The following CRNKL1 variants were observed in gnomAD, a reference collection of about 807,000 sequenced individuals.
CRNKL1 encodes crooked neck pre-mRNA splicing factor 1, also known as crooked neck-like protein 1.
A neutral mutation model predicts 103.7 loss-of-function variants in CRNKL1; 35 were observed. The ratio of observed to expected loss-of-function variants is 0.34; its 90% CI spans 0.26 to 0.45. The LOEUF is 0.45. Ranked by LOEUF, CRNKL1 falls within the 20% of genes least tolerant of loss-of-function variation. The probability of loss-of-function intolerance (pLI) is 1.00; values close to 1 mark genes in which losing one functional copy is unlikely to be tolerated. For synonymous variants in CRNKL1, 267 were observed against 282.6 expected (o/e 0.94, Z 0.55); for missense variants, 645 against 836.0 (o/e 0.77, Z 2.82).
rs766384448 is a variant in CRNKL1, at chr20:20,037,354, T to C, written c.1865A>G (p.Lys622Arg). The C allele has an allele frequency of 6.2e-7, 1 of 1,614,174 alleles. No individual in the cohort carries two copies. Among genetic ancestry groups the C allele is most frequent in the Non-Finnish European group, 8.5e-7 (1 of 1,180,036 alleles). The change falls in exon 13 of 14, where the codon AAG becomes AGG. Residue 622 changes from lysine to arginine, a missense_variant. Physicochemically the swap from Lys to Arg is conservative, Grantham distance 26. Around this residue, in one of 2 missense-constraint regions of CRNKL1, gnomAD observed 582 missense variants for 707.7 expected, o/e 0.82. Coordinates refer to ENST00000536226, the MANE Select transcript of CRNKL1 (RefSeq NM_001278628.2). Reference protein sequence around the residue: ...RVDKLMPEKVKKRRKVQTDDG... With the variant: ...RVDKLMPEKVRKRRKVQTDDG... ...ATCAGTCTGGACCTTTCTTCTCTTC[T>C]TGACTTTCTCTGGCATGAGTTTGTC...
Position 20,037,575 on chromosome 20 carries a change from T to TA in CRNKL1, c.1648-5dup. ...ACTGAGCAAAGCTGATCCATACCTT[T>TA]AAAAAAAGTTATTATTGAACCAAAT... On this transcript the variant is annotated splice_polypyrimidine_tract_variant and splice_region_variant and intron_variant, in intron 12 of 13. Transcript: ENST00000536226. 3.1e-6 allele frequency: 5 copies of TA among 1,607,598 alleles called. No individual in the cohort carries two copies. Among genetic ancestry groups the TA allele is most frequent in the Non-Finnish European group, 4.2e-6 (5 of 1,178,136 alleles).
At chr20:20,052,539 G>A (rs1190563583), upstream of CRNKL1, 4 of 1,614,082 alleles carry the variant, frequency 2.5e-6, no homozygotes, top group African/African-American at 5.3e-5. Flanking sequence ...ACCAGGCTGC[G>A]CGTCCTCCTT....
chr20:20,045,519 C>T (rs1600249851), intron 5 of CRNKL1, 33 bp from the exon 6 acceptor site: 1 of 1,555,302 alleles, frequency 6.4e-7, no homozygotes, highest in Non-Finnish European at 8.7e-7. Context: ...CCAGGCAAAA[C>T]AGCATGGCTT....
At chr20:20,036,417 CAG>C (rs2146479206) in intron 13 of CRNKL1, 55 bp from the exon 14 acceptor site, 1 of 1,528,098 alleles carries the variant, frequency 6.5e-7, no homozygotes, top group African/African-American at 1.4e-5. Flanking sequence ...ACTCACATAT[CAG>C]AGTGAAGAAT....
chr20:20,034,436 T>G lies in CRNKL1; in HGVS notation c.*1759A>C, dbSNP rs1200671164. The G allele has an allele frequency of 2.0e-5, 3 of 152,226 alleles. No individual in the cohort carries two copies. The highest frequency in any genetic ancestry group is 7.2e-5 in the African/African-American group (3 of 41,458). The allele number at this position is 152,226 out of a possible 1,614,324, so 9.4% of individuals were successfully genotyped here. A position where few individuals can be genotyped will look rare whatever the true frequency, so the allele number is the denominator to read the frequency against. Reference sequence around the variant, plus strand: ...GGTGGGAGAGAAATGAATCTTTATGTTCTCCTGTTAGAGAATAGCTTTTTT... The same window carrying G: ...GGTGGGAGAGAAATGAATCTTTATGGTCTCCTGTTAGAGAATAGCTTTTTT... On this transcript the variant is annotated 3_prime_UTR_variant, in exon 14 of 14. Coordinates refer to ENST00000536226, the MANE Select transcript of CRNKL1 (RefSeq NM_001278628.2).
intron 11 of CRNKL1, among the ~76,000 whole-genome samples, chr20:20,039,073 G>A (rs772965254): frequency 3.9e-5 from 6 of 152,128 alleles, no homozygotes; most frequent in Admixed American, 6.5e-5. Context: ...TAGTGCATGA[G>A]ATTAACAAAA....
At chr20:20,043,081 G>A (rs917491763) in intron 7 of CRNKL1, among the ~76,000 whole-genome samples, 2 of 152,170 alleles carry the variant, frequency 1.3e-5, no homozygotes, top group Non-Finnish European at 2.9e-5. Context: ...TACAGAAAAA[G>A]AGATGCCGAT....
At chr20:20,036,749 ACCT>A (rs750652865) in intron 13 of CRNKL1, among the ~76,000 whole-genome samples, 4 of 151,928 alleles carry the variant, frequency 2.6e-5, no homozygotes, top group Non-Finnish European at 5.9e-5. Flanking sequence ...TCCCATCCTC[ACCT>A]CCTATCAGTC....
intron 7 of CRNKL1, 32 bp downstream of exon 7, chr20:20,043,460 C>G (rs1345137677): frequency 1.2e-6 from 2 of 1,600,458 alleles, no homozygotes; most frequent in East Asian, 2.2e-5. Flanking sequence ...CTTGGGTTAT[C>G]TGCAGAGTTG....
upstream of CRNKL1, among the ~76,000 whole-genome samples, chr20:20,053,841 A>G (rs1008701921): frequency 1.3e-5 from 2 of 152,112 alleles, no homozygotes; most frequent in African/African-American, 4.8e-5. Context: ...TTTTCCTTAA[A>G]TGTGTTACTG....
At chr20:20,037,228 A>G in intron 13 of CRNKL1, 95 bp downstream of exon 13, 2 of 1,439,642 alleles carry the variant, frequency 1.4e-6, no homozygotes, top group South Asian at 1.4e-5. Context: ...CCATTCTAAG[A>G]TTGTACATAT....
At chr20:20,043,356 C>T in intron 7 of CRNKL1, 136 bp downstream of exon 7, 1 of 826,938 alleles carries the variant, frequency 1.2e-6, no homozygotes, top group South Asian at 2.1e-5. Context: ...GAAATAGCTG[C>T]CAATTGGATC....
chr20:20,034,647 T>G lies in CRNKL1; in HGVS notation c.*1548A>C, dbSNP rs1467886470. ...CTGGGTGAGCCAAAGGCTATTAAGA[T>G]GATGTTCTCCTGCTCACTCACTAGG... On this transcript the variant is annotated 3_prime_UTR_variant, in exon 14 of 14. Coordinates refer to ENST00000536226, the MANE Select transcript of CRNKL1 (RefSeq NM_001278628.2). 3 of 152,248 alleles carry G rather than the reference T, an allele frequency of 2.0e-5. No homozygotes were observed. The highest frequency in any genetic ancestry group is 4.4e-5 in the Non-Finnish European group (3 of 68,042). The allele number at this position is 152,248 out of a possible 1,614,324, so 9.4% of individuals were successfully genotyped here.
intron 11 of CRNKL1, among the ~76,000 whole-genome samples, chr20:20,039,009 C>T (rs1042193291): frequency 2.0e-5 from 3 of 152,206 alleles, no homozygotes; most frequent in African/African-American, 7.2e-5. Flanking sequence ...ATACCCAAAG[C>T]CCTGCCTTAA....
intron 6 of CRNKL1, 89 bp downstream of exon 6, chr20:20,045,215 TGTCA>T (rs1405358795): frequency 2.9e-6 from 3 of 1,048,388 alleles, no homozygotes; most frequent in African/African-American, 3.2e-5. Flanking sequence ...TCCAGGGATA[TGTCA>T]GTAAGAAAAA....
chr20:20,044,808 TCTCA>T (rs1352987646), intron 6 of CRNKL1, among the ~76,000 whole-genome samples: 5 of 151,848 alleles, frequency 3.3e-5, no homozygotes, highest in African/African-American at 4.8e-5. Context: ...AGAGACAGGG[TCTCA>T]CTATGTTGCC....
intron 9 of CRNKL1, among the ~76,000 whole-genome samples, chr20:20,040,971 T>C (rs893238968): frequency 6.6e-6 from 1 of 152,194 alleles, no homozygotes; most frequent in African/African-American, 2.4e-5. Context: ...ATCCAGATAC[T>C]ATATTGTACT....
upstream of CRNKL1, among the ~76,000 whole-genome samples, chr20:20,054,154 C>T (rs1049249983): frequency 3.4e-5 from 5 of 149,024 alleles, no homozygotes; most frequent in Non-Finnish European, 7.4e-5. Context: ...TGATTTTATT[C>T]TTCTCAGAAT....
chr20:20,055,248 A>G (rs6035534), upstream of CRNKL1, among the ~76,000 whole-genome samples: 47 of 152,248 alleles, frequency 3.1e-4, no homozygotes, highest in African/African-American at 8.4e-4. Flanking sequence ...TTCAGAGTCT[A>G]TCATCTAAAG....
Sources: allele counts gnomAD v4.1 joint callset (sites outside exome capture counted in the v4.1 genomes callset), GRCh38; gene constraint gnomAD v4.1.1; regional missense constraint gnomAD v4.1.1; transcripts MANE v1.5; gene names NCBI Gene and HGNC (gene_info 2026-07-23, HGNC 2026-07-21).